TAF2: variants seen among roughly 807,000 people sequenced by gnomAD.
The protein encoded by TAF2 is TATA-box binding protein associated factor 2, also known as transcription initiation factor TFIID subunit 2.
In TAF2, 61 loss-of-function variants were observed where a neutral mutation model predicts 138.5. The ratio of observed to expected loss-of-function variants is 0.44; its 90% CI spans 0.36 to 0.54. The LOEUF is 0.54. Among genes scored for constraint, TAF2 ranks in the 20% least tolerant of loss-of-function variants. The probability of loss-of-function intolerance (pLI) is 0.00; values close to 1 mark genes in which losing one functional copy is unlikely to be tolerated. For synonymous variants in TAF2, 475 were observed against 469.9 expected (o/e 1.01, Z -0.14); for missense variants, 1,090 against 1,427.9 (o/e 0.76, Z 3.81).
intron 21 of TAF2, 132 bp downstream of exon 21, chr8:119,757,941 G>T: frequency 1.3e-6 from 1 of 782,768 alleles, no homozygotes; most frequent in South Asian, 1.5e-5. Flanking sequence ...AATTTAAAAA[G>T]GACATGAATA....
Position 119,763,975 on chromosome 8 carries a change from C to A in TAF2, c.2365-1367G>T, listed in dbSNP as rs929318298. Among the ~76,000 whole-genome samples the A allele has an allele frequency of 3.4e-4, 52 of 151,832 alleles. 1 individual carries two copies. Among genetic ancestry groups the A allele is most frequent in the East Asian group, 1.9e-4 (1 of 5,152 alleles). On this transcript the variant is annotated intron_variant, in intron 18 of 25. Transcript: ENST00000378164. ...ACCACCCTGACCAACATGGTGAAAC[C>A]CTGTCTCTACTAAAAATACAAAAAT...
At chr8:119,819,858 A>G (rs886473153) in intron 2 of TAF2, among the ~76,000 whole-genome samples, 3 of 152,208 alleles carry the variant, frequency 2.0e-5, no homozygotes, top group Non-Finnish European at 4.4e-5. Flanking sequence ...AAGGGAATCA[A>G]AATCAGAAGG....
intron 23 of TAF2, among the ~76,000 whole-genome samples, chr8:119,745,975 G>T (rs1251647313): frequency 6.6e-6 from 1 of 152,094 alleles, no homozygotes; most frequent in African/African-American, 2.4e-5. Flanking sequence ...GTTTAGAACT[G>T]TGCTAGGTAT....
chr8:119,815,833 AATT>A (rs1479405370), intron 3 of TAF2, among the ~76,000 whole-genome samples: 2 of 152,208 alleles, frequency 1.3e-5, no homozygotes, highest in African/African-American at 4.8e-5. Context: ...TCAAGTGCTG[AATT>A]ATTTTATTGA....
chr8:119,763,137 T>C (rs1272274445), intron 18 of TAF2, among the ~76,000 whole-genome samples: 1 of 152,190 alleles, frequency 6.6e-6, no homozygotes, highest in Non-Finnish European at 1.5e-5. Flanking sequence ...CTGCCCGCTA[T>C]TGACTTCTAT....
intron 18 of TAF2, among the ~76,000 whole-genome samples, chr8:119,774,157 C>T (rs556722118): frequency 9.1e-4 from 137 of 150,814 alleles, no homozygotes; most frequent in African/African-American, 2.9e-3. Context: ...GGGGACAGAG[C>T]GAGACTCCAT....
chr8:119,764,388 T>C (rs951257588), intron 18 of TAF2, among the ~76,000 whole-genome samples: 5 of 152,292 alleles, frequency 3.3e-5, no homozygotes, highest in African/African-American at 1.2e-4. Flanking sequence ...AGCCTTCTTT[T>C]CAAAATGAAA....
chr8:119,758,323 A>G (rs1024437485), intron 20 of TAF2, among the ~76,000 whole-genome samples, 181 bp from the exon 21 acceptor site: 8 of 152,194 alleles, frequency 5.3e-5, no homozygotes, highest in Non-Finnish European at 1.2e-4. Context: ...TGTAACTTTT[A>G]TAAGTATCAA....
At chr8:119,799,978 C>T (rs918342308) in intron 6 of TAF2, among the ~76,000 whole-genome samples, 9 of 152,214 alleles carry the variant, frequency 5.9e-5, no homozygotes, top group East Asian at 5.8e-4. Context: ...TCATATCCTT[C>T]GCCCATTTTT....
At position 119,788,397 on chromosome 8, in the gene TAF2, T is replaced by C; in HGVS notation, c.1734A>G (p.Thr578=). The C allele has an allele frequency of 2.5e-6, 4 of 1,613,594 alleles. No homozygotes were observed. The highest frequency in any genetic ancestry group is 3.4e-6 in the Non-Finnish European group (4 of 1,179,892). ...TAAGGCTGTTTTCTTCAATTTGCAG[T>C]GTATGATTGAAGGATCCATCTAACT... The part of the protein sequence containing the change: ...VQELDGSFNH[T]LQIEENSLKH... Residue 578 remains threonine (T), a synonymous_variant, in exon 14 of 26, where the codon ACA becomes ACG. Transcript: ENST00000378164.
intron 10 of TAF2, among the ~76,000 whole-genome samples, chr8:119,792,435 GC>G (rs1021195092): frequency 6.6e-6 from 1 of 152,082 alleles, no homozygotes; most frequent in Non-Finnish European, 1.5e-5. Flanking sequence ...ACAGGCATGA[GC>G]CCCCGCGCTG....
chr8:119,797,828 G>A lies in TAF2; in HGVS notation c.811C>T (p.Pro271Ser), dbSNP rs1176444886. 1 of 1,613,396 alleles carries A rather than the reference G, an allele frequency of 6.2e-7. No individual in the cohort carries two copies. Among genetic ancestry groups the A allele is most frequent in the Non-Finnish European group, 8.5e-7 (1 of 1,179,620 alleles). Residue 271 changes from proline (P) to serine (S), a missense_variant, in exon 7 of 26, where the codon CCC (proline) becomes TCC (serine). Coordinates refer to ENST00000378164, the MANE Select transcript of TAF2 (RefSeq NM_003184.4). ...YMHEVTHFCL[P>S]QLLPLLKHTT... ...TGTTTCAGCAATGGAAGAAGTTGGG[G>A]CAAACAAAAATGAGTAACCTGAAAA...
intron 14 of TAF2, among the ~76,000 whole-genome samples, chr8:119,786,011 T>C (rs905739101): frequency 2.6e-5 from 4 of 152,172 alleles, no homozygotes; most frequent in African/African-American, 9.7e-5. Flanking sequence ...GATTTCAGAA[T>C]CAAGTTCCTT....
chr8:119,779,060 T>C (rs1822459894), intron 17 of TAF2, among the ~76,000 whole-genome samples: 2 of 152,266 alleles, frequency 1.3e-5, no homozygotes, highest in South Asian at 4.1e-4. Context: ...AAAGGCGCTT[T>C]TCCGTAGAAA....
intron 7 of TAF2, 55 bp downstream of exon 7, chr8:119,797,607 T>C: frequency 1.3e-6 from 2 of 1,553,498 alleles, no homozygotes; most frequent in Admixed American, 1.7e-5. Flanking sequence ...AATCAGTAAA[T>C]TTTCTTCATA....
chr8:119,783,885 TATTA>T (rs1822842935), intron 15 of TAF2, among the ~76,000 whole-genome samples: 1 of 152,286 alleles, frequency 6.6e-6, no homozygotes, highest in East Asian at 1.9e-4. Flanking sequence ...AATAAGAAAA[TATTA>T]ATTGTCTTTT....
chr8:119,757,672 G>C (rs1371700967), intron 21 of TAF2, among the ~76,000 whole-genome samples: 1 of 151,670 alleles, frequency 6.6e-6, no homozygotes, highest in Non-Finnish European at 1.5e-5. Context: ...CAAGGGGGTG[G>C]ATAACTTGAG....
rs942733390 is a variant in TAF2 at position 119,758,116 on chromosome 8, A to G, written c.2725T>C (p.Trp909Arg). ...KVDRSYEELQ[W>R]LLNMIQNDPV... ...TCATTCTGAATCATATTAAGTAGCC[A>G]TTGCAGTTCTTCATAACTTCTGTCC... The change falls in exon 21 of 26, where the codon TGG (tryptophan) becomes CGG (arginine). Residue 909 changes from tryptophan to arginine, a missense_variant. Trp to Arg is a moderately radical substitution (Grantham distance 101). Around this residue, in one of 3 missense-constraint regions of TAF2, gnomAD observed 580 missense variants for 719.6 expected, o/e 0.81. Transcript: ENST00000378164. The G allele has an allele frequency of 6.2e-6, 10 of 1,612,954 alleles. No individual in the cohort carries two copies. Among genetic ancestry groups the G allele is most frequent in the African/African-American group, 1.3e-5 (1 of 74,908 alleles).
At chr8:119,748,890 G>C (rs533090073) in intron 22 of TAF2, among the ~76,000 whole-genome samples, 2 of 150,984 alleles carry the variant, frequency 1.3e-5, no homozygotes, top group Non-Finnish European at 3.0e-5. Flanking sequence ...AGCAAGAAAA[G>C]GAGTGAATCT....
Sources: allele counts gnomAD v4.1 joint callset (sites outside exome capture counted in the v4.1 genomes callset), GRCh38; gene constraint gnomAD v4.1.1; regional missense constraint gnomAD v4.1.1; transcripts MANE v1.5; gene names NCBI Gene and HGNC (gene_info 2026-07-23, HGNC 2026-07-21).